Variants in SGCZ observed in about 807,000 individuals in gnomAD.
SGCZ encodes the protein zeta-sarcoglycan.
Under a neutral mutation model 41.3 loss-of-function variants are expected in SGCZ, and 40 were observed. That is an observed-to-expected ratio of 0.97 (90% confidence interval 0.75 to 1.26). SGCZ has a LOEUF of 1.26. Among genes scored for constraint, SGCZ ranks in the 50% most tolerant of loss-of-function variants. SGCZ has a pLI of 0.00. For synonymous variants in SGCZ, 206 were observed against 137.5 expected, an observed-to-expected ratio of 1.50 and a Z score of -3.49; for missense variants, 552 against 369.8, an observed-to-expected ratio of 1.49 and a Z score of -4.04.
intron 4 of SGCZ, among the ~76,000 whole-genome samples, chr8:14,233,597 GAT>G (rs5889522): frequency 5.8e-4 from 84 of 145,468 alleles, no homozygotes; most frequent in African/African-American, 1.6e-3. Context: ...ATAAAATATA[GAT>G]ATATATATAT....
At chr8:14,097,351 T>C (rs1032393617) in intron 7 of SGCZ, among the ~76,000 whole-genome samples, 1 of 152,224 alleles carries the variant, frequency 6.6e-6, no homozygotes, top group African/African-American at 2.4e-5. Flanking sequence ...CTTCGTGATT[T>C]ACCCAGTAGT....
At chr8:14,923,229 A>G (rs761317834) in intron 1 of SGCZ, among the ~76,000 whole-genome samples, 1 of 152,186 alleles carries the variant, frequency 6.6e-6, no homozygotes, top group Admixed American at 6.5e-5. Context: ...GACATTGGCC[A>G]GTGTAGGCAG....
chr8:14,345,122 C>A (rs377451316), intron 2 of SGCZ, among the ~76,000 whole-genome samples: 1 of 151,920 alleles, frequency 6.6e-6, no homozygotes, highest in Non-Finnish European at 1.5e-5. Flanking sequence ...AGCCAATGAA[C>A]TGAAATGGAA....
At chr8:14,269,601 C>T (rs1297766586) in intron 3 of SGCZ, among the ~76,000 whole-genome samples, 1 of 152,128 alleles carries the variant, frequency 6.6e-6, no homozygotes, top group Non-Finnish European at 1.5e-5. Context: ...TTATGTGACC[C>T]AGATTGCCTT....
chr8:14,443,502 C>T (rs1357094262), intron 2 of SGCZ, among the ~76,000 whole-genome samples: 3 of 152,132 alleles, frequency 2.0e-5, no homozygotes, highest in Middle Eastern at 3.4e-3. Flanking sequence ...TCAGAAATAA[C>T]ACCGCATATC....
intron 3 of SGCZ, among the ~76,000 whole-genome samples, chr8:14,291,388 G>T (rs1800836640): frequency 6.6e-6 from 1 of 151,986 alleles, no homozygotes; most frequent in Non-Finnish European, 1.5e-5. Flanking sequence ...ATTTATACAT[G>T]TAGTAGTGCA....
chr8:14,253,246 GT>G (rs1282233867), intron 3 of SGCZ, among the ~76,000 whole-genome samples: 2 of 63,178 alleles, frequency 3.2e-5, no homozygotes, highest in East Asian at 8.0e-4. Flanking sequence ...TGTGTAGGGT[GT>G]GTGTGTGTGT....
intron 1 of SGCZ, among the ~76,000 whole-genome samples, chr8:14,651,480 T>G (rs1010469735): frequency 1.3e-5 from 2 of 152,070 alleles, no homozygotes; most frequent in African/African-American, 4.8e-5. Flanking sequence ...AGTGGTATTA[T>G]TATATCACCA....
At chr8:14,381,523 C>G (rs1680778188) in intron 2 of SGCZ, among the ~76,000 whole-genome samples, 1 of 151,924 alleles carries the variant, frequency 6.6e-6, no homozygotes, top group Non-Finnish European at 1.5e-5. Flanking sequence ...GCCTATAATC[C>G]CAGTATGGTG....
intron 1 of SGCZ, among the ~76,000 whole-genome samples, chr8:14,891,749 A>G (rs1805027962): frequency 6.6e-6 from 1 of 152,188 alleles, no homozygotes; most frequent in Non-Finnish European, 1.5e-5. Context: ...AGAGTCAATC[A>G]ATGCAGCAGA....
At chr8:14,600,946 G>A (rs939748527) in intron 1 of SGCZ, among the ~76,000 whole-genome samples, 8 of 150,524 alleles carry the variant, frequency 5.3e-5, no homozygotes, top group African/African-American at 7.3e-5. Flanking sequence ...ATTCTGAATC[G>A]GAGATGACTT....
At chr8:14,865,832 G>T (rs545115551) in intron 1 of SGCZ, among the ~76,000 whole-genome samples, 1 of 152,194 alleles carries the variant, frequency 6.6e-6, no homozygotes, top group South Asian at 2.1e-4. Flanking sequence ...ATAAAGGAAA[G>T]AATTCTCTGG....
intron 1 of SGCZ, among the ~76,000 whole-genome samples, chr8:14,912,258 A>C (rs1412369501): frequency 6.6e-6 from 1 of 152,006 alleles, no homozygotes; most frequent in African/African-American, 2.4e-5. Flanking sequence ...GCTTGACTTA[A>C]TGACTCAAAT....
chr8:14,340,665 C>T (rs1017806936), intron 2 of SGCZ, among the ~76,000 whole-genome samples: 10 of 152,222 alleles, frequency 6.6e-5, no homozygotes, highest in Middle Eastern at 3.4e-3. Flanking sequence ...GAGCCTATGA[C>T]ACAGTAGCTT....
chr8:15,106,936 T>A (rs949754418), intron 1 of SGCZ, among the ~76,000 whole-genome samples: 2 of 152,066 alleles, frequency 1.3e-5, no homozygotes, highest in Non-Finnish European at 2.9e-5. Context: ...GGTGTTGAAT[T>A]TTTTTATTAA....
At chr8:14,808,500 C>T (rs545969989) in intron 1 of SGCZ, among the ~76,000 whole-genome samples, 2 of 152,244 alleles carry the variant, frequency 1.3e-5, no homozygotes, top group Non-Finnish European at 2.9e-5. Context: ...CACTGGCCAT[C>T]AGAGAAATGC....
At position 14,089,271 on chromosome 8, in the gene SGCZ, T is replaced by G. The variant is rs1484513267; in HGVS notation, c.*1172A>C. ...AGAAATGGGACTAAATTCCCTAAAA[T>G]ATGAATGTAGTGAAGTAAACACATT... On this transcript the variant is annotated 3_prime_UTR_variant, in exon 8 of 8. Transcript: ENST00000382080. Among the ~76,000 whole-genome samples, 1 of 151,988 alleles carries G rather than the reference T, an allele frequency of 6.6e-6. No individual in the cohort carries two copies. The highest frequency in any genetic ancestry group is 2.4e-5 in the African/African-American group (1 of 41,428).
chr8:14,481,341 A>T (rs932632560), intron 2 of SGCZ, among the ~76,000 whole-genome samples: 1 of 152,300 alleles, frequency 6.6e-6, no homozygotes, highest in Non-Finnish European at 1.5e-5. Flanking sequence ...ATGACTTATA[A>T]GTAATGAGAT....
Position 14,547,523 on chromosome 8 carries a change from T to C in SGCZ, c.234+7209A>G, listed in dbSNP as rs551179245. 3.9e-5 allele frequency among the ~76,000 whole-genome samples: 6 copies of C among 152,314 alleles called. No homozygotes were observed. The South Asian group carries it at 6.2e-4, about 16-fold the overall frequency. ...ATTTTTCCTGGCAAAATGTACCATA[T>C]AGAATAACTTTCATTAGTCACAGCT... On this transcript the variant is annotated intron_variant, in intron 2 of 7. Transcript: ENST00000382080.
Sources: gnomAD v4.1 joint callset for allele counts (sites outside exome capture counted in the v4.1 genomes callset) on GRCh38, gnomAD v4.1.1 for gene constraint, MANE v1.5 for transcripts, NCBI Gene and HGNC (gene_info 2026-07-23, HGNC 2026-07-21) for gene names.